Variants in CLTRN observed in about 807,000 individuals in gnomAD.
The protein encoded by CLTRN is collectrin, amino acid transport regulator, also known as collectrin.
Under a neutral mutation model 14.5 loss-of-function variants are expected in CLTRN, and 12 were observed. That is an observed-to-expected ratio of 0.83 (90% CI 0.53 to 1.34). CLTRN has a LOEUF of 1.34. Ranked by LOEUF, CLTRN falls within the 40% of genes most tolerant of loss-of-function variation. CLTRN has a pLI of 0.00. For missense variants in CLTRN, 154 were observed against 165.1 expected (o/e 0.93, Z 0.37); for synonymous variants, 58 against 56.5 (o/e 1.03, Z -0.12).
intron 5 of CLTRN, among the ~76,000 whole-genome samples, chrX:15,630,562 T>C: frequency 8.9e-6 from 1 of 112,599 alleles, no homozygotes. Flanking sequence ...CATTTGAAAG[T>C]ATTTTACCAT....
chrX:15,657,366 A>G (rs1929397946), intron 3 of CLTRN, among the ~76,000 whole-genome samples: 1 of 112,209 alleles, frequency 8.9e-6, no homozygotes, highest in African/African-American at 3.2e-5. Flanking sequence ...AGACTCCTAC[A>G]ATGCTCCAGA....
chrX:15,662,852 G>A (rs982859614), intron 2 of CLTRN, among the ~76,000 whole-genome samples: 2 of 110,867 alleles, frequency 1.8e-5, no homozygotes, highest in Admixed American at 9.6e-5. Context: ...ATCTCAAAAT[G>A]AAACTCCCTA....
chrX:15,660,933 T>C (rs1315383244), intron 2 of CLTRN, among the ~76,000 whole-genome samples: 2 of 112,707 alleles, frequency 1.8e-5, no homozygotes, highest in Non-Finnish European at 3.7e-5. Context: ...TTTGAAGTGC[T>C]CCTTCAATGT....
intron 5 of CLTRN, among the ~76,000 whole-genome samples, chrX:15,630,239 T>C (rs1173568342): frequency 9.0e-6 from 1 of 111,138 alleles, no homozygotes; most frequent in African/African-American, 3.3e-5. Flanking sequence ...GATGGATGGA[T>C]AGATGGACAG....
intron 3 of CLTRN, among the ~76,000 whole-genome samples, chrX:15,656,178 A>G (rs1929356493): frequency 1.8e-5 from 2 of 111,755 alleles, no homozygotes; most frequent in African/African-American, 6.5e-5. Flanking sequence ...CAGCTCTCCA[A>G]CAAGACATCA....
At chrX:15,659,679 A>G (rs1929459652) in intron 2 of CLTRN, among the ~76,000 whole-genome samples, 1 of 110,931 alleles carries the variant, frequency 9.0e-6, no homozygotes, top group Non-Finnish European at 1.9e-5. Flanking sequence ...GCCCTAATCC[A>G]CTATGATTGG....
chrX:15,655,330 G>T (rs772625463), intron 3 of CLTRN, among the ~76,000 whole-genome samples: 1 of 112,270 alleles, frequency 8.9e-6, no homozygotes, highest in East Asian at 2.8e-4. Context: ...GGTAGTGGAC[G>T]TCCAGATGCT....
At chrX:15,670,359 T>C (rs1470243357) in intron 1 of CLTRN, among the ~76,000 whole-genome samples, 3 of 80,231 alleles carry the variant, frequency 3.7e-5, no homozygotes, top group African/African-American at 8.9e-5. Context: ...ACAAACCCCT[T>C]TGGAAGTTTT....
chrX:15,661,258 C>A (rs1046383504), intron 2 of CLTRN, among the ~76,000 whole-genome samples: 1 of 112,144 alleles, frequency 8.9e-6, no homozygotes, highest in African/African-American at 3.2e-5. Flanking sequence ...TGTTAGCCAG[C>A]TCTCCCTGGG....
At position 15,656,022 on chromosome X, in the gene CLTRN, C is replaced by G. The variant is rs776618226; in HGVS notation, c.203+2994G>C. On this transcript the variant is annotated intron_variant, in intron 3 of 5. Coordinates refer to ENST00000380342, the MANE Select transcript of CLTRN (RefSeq NM_020665.6). ...CGCACTGGGGAATCTGCACAGGAAC[C>G]CATTCCCAGCCCTGTTCAAGTCCTA... Among the ~76,000 whole-genome samples the G allele has an allele frequency of 1.7e-4, 19 of 111,639 alleles. No individual in the cohort carries two copies. In the South Asian group the frequency reaches 7.2e-3, roughly 42 times the overall value.
At chrX:15,638,918 G>T (rs1320505319) in intron 5 of CLTRN, among the ~76,000 whole-genome samples, 1 of 112,040 alleles carries the variant, frequency 8.9e-6, no homozygotes, top group Non-Finnish European at 1.9e-5. Context: ...TCATTAAAAT[G>T]CATCCCTTCA....
At chrX:15,673,666 G>T (rs185658407) in intron 1 of CLTRN, among the ~76,000 whole-genome samples, 4 of 112,447 alleles carry the variant, frequency 3.6e-5, no homozygotes, top group South Asian at 3.6e-4. Flanking sequence ...GCTCAATATT[G>T]TGAAAGTTCC....
At chrX:15,658,313 G>A (rs978352326) in intron 3 of CLTRN, among the ~76,000 whole-genome samples, 2 of 112,485 alleles carry the variant, frequency 1.8e-5, no homozygotes, top group Admixed American at 9.4e-5. Flanking sequence ...TGTGCATGCA[G>A]GGCCTGGTTC....
At position 15,644,907 on chromosome X, in the gene CLTRN, G is replaced by A. The variant is rs756492640; in HGVS notation, c.317+9C>T. ...TTGACTAATAGAAGGCATATTTAAG[G>A]GTGATTACCTTATGGCTGATTGCAC... On this transcript the variant is annotated intron_variant, in intron 4 of 5. Transcript: ENST00000380342. 2.6e-6 allele frequency: 3 copies of A among 1,140,387 alleles called. No homozygotes were observed. The South Asian group carries it at 6.0e-5, about 23-fold the overall frequency. The allele number at this position is 1,140,387 out of a possible 1,213,427, so 94.0% of individuals were successfully genotyped here.
At chrX:15,645,470 T>G (rs760229632) in intron 3 of CLTRN, among the ~76,000 whole-genome samples, 1 of 111,717 alleles carries the variant, frequency 9.0e-6, no homozygotes, top group South Asian at 3.8e-4. Flanking sequence ...GATTCAATAC[T>G]TGCTCTGTCT....
At chrX:15,632,515 T>G (rs1289050820) in intron 5 of CLTRN, among the ~76,000 whole-genome samples, 1 of 106,204 alleles carries the variant, frequency 9.4e-6, no homozygotes. Flanking sequence ...GAGGTGGAGG[T>G]TGCAGTGAGC....
Position 15,664,709 on chromosome X carries a change from G to A in CLTRN, c.58+9C>T. 2 of 1,194,523 alleles carry A rather than the reference G, an allele frequency of 1.7e-6. No homozygotes were observed. The highest frequency in any genetic ancestry group is 2.3e-6 in the Non-Finnish European group (2 of 883,335). ...TGTTCATCTATTTTTAAATTTCAAG[G>A]CTACATACCTGGTTGACAGAGTTCA... is the stretch of plus-strand genomic sequence containing the variant. On this transcript the variant is annotated intron_variant, in intron 1 of 5. Transcript: ENST00000380342.
At chrX:15,648,308 C>T (rs951252295) in intron 3 of CLTRN, among the ~76,000 whole-genome samples, 1 of 111,745 alleles carries the variant, frequency 8.9e-6, no homozygotes, top group African/African-American at 3.3e-5. Context: ...AACATCAGTA[C>T]GATCAGGCCA....
chrX:15,662,719 C>T (rs1929536004), intron 2 of CLTRN, among the ~76,000 whole-genome samples: 1 of 111,542 alleles, frequency 9.0e-6, no homozygotes. Context: ...CTCCTCCACC[C>T]CACGAAAAGA....
Sources: gnomAD v4.1 joint callset for allele counts (sites outside exome capture counted in the v4.1 genomes callset) on GRCh38, gnomAD v4.1.1 for gene constraint, MANE v1.5 for transcripts, NCBI Gene and HGNC (gene_info 2026-07-23, HGNC 2026-07-21) for gene names.